The following SRPK2 variants were observed in gnomAD, a reference collection of about 807,000 sequenced individuals.
SRPK2 encodes SFRS protein kinase 2.
A neutral mutation model predicts 90.8 loss-of-function variants in SRPK2; 21 were observed. That is an observed-to-expected ratio of 0.23 (90% confidence interval 0.16 to 0.33). SRPK2 has a LOEUF of 0.33. SRPK2 is among the 10% of genes least tolerant of loss of function. The pLI is 1.00. For missense variants in SRPK2, 620 were observed against 869.0 expected, an observed-to-expected ratio of 0.71 and a Z score of 3.60; for synonymous variants, 288 against 311.1, an observed-to-expected ratio of 0.93 and a Z score of 0.78.
At chr7:105,357,295 T>A (rs1055803619) in intron 2 of SRPK2, among the ~76,000 whole-genome samples, 4 of 152,138 alleles carry the variant, frequency 2.6e-5, no homozygotes, top group Admixed American at 2.6e-4. Context: ...TGCCTCGGCC[T>A]CCCAAAGTGC....
At position 105,142,478 on chromosome 7, in the gene SRPK2, T is replaced by C; in HGVS notation, c.1073A>G (p.Asp358Gly). The C allele has an allele frequency of 1.2e-6, 2 of 1,608,608 alleles. No individual in the cohort carries two copies. The highest frequency in any genetic ancestry group is 2.2e-5 in the East Asian group (1 of 44,864). ...ETAKDNGEAE[D>G]QEEKEDAEKE... is the part of the protein sequence containing the mutation. ...CTCAGCATCTTCTTTCTCTTCCTGG[T>C]CCTCAGCTTCACCTTAAGAATTTGA... is the stretch of plus-strand genomic sequence containing the variant. The change falls in exon 11 of 16, where the codon GAC becomes GGC. Residue 358 changes from aspartate to glycine, a missense_variant. Physicochemically the swap from Asp to Gly is moderately conservative, Grantham distance 94. Transcript: ENST00000393651.
chr7:105,276,574 A>T (rs1157830650), intron 2 of SRPK2, among the ~76,000 whole-genome samples: 2 of 139,888 alleles, frequency 1.4e-5, no homozygotes, highest in Non-Finnish European at 3.1e-5. Context: ...TTCATCTCTT[A>T]AAAAAAAAAA....
Position 105,128,118 on chromosome 7 carries a change from A to T in SRPK2, c.1753-1056T>A, listed in dbSNP as rs1801468050. ...GGCCACCTCTCCTGGCACTGTCTTT[A>T]ACAAACCAAGAGTGAGTGCAGTCAG... On this transcript the variant is annotated intron_variant, in intron 13 of 15. Coordinates refer to ENST00000393651, the MANE Select transcript of SRPK2 (RefSeq NM_182692.3). Among the ~76,000 whole-genome samples, 4 of 152,264 alleles carry T rather than the reference A, an allele frequency of 2.6e-5. No individual in the cohort carries two copies. The South Asian group carries it at 8.3e-4, about 32-fold the overall frequency.
chr7:105,279,148 C>A (rs928057536), intron 2 of SRPK2, among the ~76,000 whole-genome samples: 3 of 152,038 alleles, frequency 2.0e-5, no homozygotes, highest in Non-Finnish European at 4.4e-5. Context: ...GAACACAGTG[C>A]CCACAGACTA....
intron 2 of SRPK2, among the ~76,000 whole-genome samples, chr7:105,244,327 T>C (rs1476749357): frequency 7.2e-5 from 11 of 152,166 alleles, no homozygotes; most frequent in Non-Finnish European, 1.5e-5. Flanking sequence ...CCCAGCACTT[T>C]GGGAGGCCGA....
chr7:105,298,695 C>T (rs1334809569), intron 2 of SRPK2: 1 of 983,402 alleles, frequency 1.0e-6, no homozygotes, highest in Non-Finnish European at 1.2e-6. Context: ...CAACCCCCTG[C>T]CTAAAATAGT....
intron 2 of SRPK2, among the ~76,000 whole-genome samples, chr7:105,327,201 C>T (rs1433162760): frequency 1.3e-5 from 2 of 150,128 alleles, no homozygotes; most frequent in Non-Finnish European, 3.0e-5. Flanking sequence ...CTACAAATGG[C>T]CTTTACATTT....
chr7:105,232,870 G>A (rs1214792866), intron 2 of SRPK2, among the ~76,000 whole-genome samples: 1 of 152,016 alleles, frequency 6.6e-6, no homozygotes, highest in Non-Finnish European at 1.5e-5. Flanking sequence ...AAAATTAGGT[G>A]GGTGTGGTGG....
chr7:105,396,445 G>A (rs1822323897), intron 1 of SRPK2, among the ~76,000 whole-genome samples: 1 of 151,718 alleles, frequency 6.6e-6, no homozygotes. Context: ...AGAACATCCT[G>A]GCTAACACGG....
At chr7:105,278,042 G>A (rs907757925) in intron 2 of SRPK2, among the ~76,000 whole-genome samples, 8 of 152,292 alleles carry the variant, frequency 5.3e-5, no homozygotes, top group African/African-American at 1.4e-4. Context: ...GGCCAGGCGC[G>A]GTGGGGCTCA....
chr7:105,335,968 A>AG (rs1360654406), intron 2 of SRPK2, among the ~76,000 whole-genome samples: 2 of 151,958 alleles, frequency 1.3e-5, no homozygotes, highest in Non-Finnish European at 2.9e-5. Context: ...AAAAAAAAAA[A>AG]CTTTGCTTAT....
At chr7:105,125,794 A>C (rs556674267) in intron 15 of SRPK2, 5 of 1,282,350 alleles carry the variant, frequency 3.9e-6, no homozygotes, top group Non-Finnish European at 4.1e-6. Context: ...TTTCTGGTGA[A>C]AAACTCCTTG....
At chr7:105,332,490 G>T (rs901487206) in intron 2 of SRPK2, among the ~76,000 whole-genome samples, 1 of 152,042 alleles carries the variant, frequency 6.6e-6, no homozygotes, top group Non-Finnish European at 1.5e-5. Flanking sequence ...TAGGCCAGGC[G>T]CAGTGTCTCA....
chr7:105,358,810 A>G (rs2132211837), intron 2 of SRPK2, among the ~76,000 whole-genome samples: 1 of 152,284 alleles, frequency 6.6e-6, no homozygotes, highest in African/African-American at 2.4e-5. Flanking sequence ...TAAAGAAAAG[A>G]GATGTATGTG....
chr7:105,238,206 T>C (rs1800362258), intron 2 of SRPK2, among the ~76,000 whole-genome samples: 1 of 152,240 alleles, frequency 6.6e-6, no homozygotes, highest in Non-Finnish European at 1.5e-5. Flanking sequence ...AAGGTGATAC[T>C]TGCCTCAAAG....
intron 2 of SRPK2, among the ~76,000 whole-genome samples, chr7:105,379,562 T>C (rs1430399688): frequency 6.6e-6 from 1 of 152,114 alleles, no homozygotes; most frequent in Non-Finnish European, 1.5e-5. Flanking sequence ...GGTGGTAGAG[T>C]ATAGACTCGG....
intron 15 of SRPK2, among the ~76,000 whole-genome samples, chr7:105,122,880 GTTTTT>G (rs3216265): frequency 2.1e-5 from 3 of 145,802 alleles, no homozygotes; most frequent in African/African-American, 7.5e-5. Flanking sequence ...CTAGAGACCA[GTTTTT>G]TTTTTTTAAG....
At chr7:105,174,711 T>G (rs569035754) in intron 3 of SRPK2, among the ~76,000 whole-genome samples, 1 of 152,218 alleles carries the variant, frequency 6.6e-6, no homozygotes, top group African/African-American at 2.4e-5. Flanking sequence ...TATGGAAGAT[T>G]TGAACACACT....
At chr7:105,161,509 C>T (rs1331551217) in intron 6 of SRPK2, among the ~76,000 whole-genome samples, 1 of 152,200 alleles carries the variant, frequency 6.6e-6, no homozygotes, top group Non-Finnish European at 1.5e-5. Flanking sequence ...ATGGCACTTT[C>T]TAGGTGTAGA....
Sources: allele counts gnomAD v4.1 joint callset (sites outside exome capture counted in the v4.1 genomes callset), GRCh38; gene constraint gnomAD v4.1.1; transcripts MANE v1.5; gene names NCBI Gene and HGNC (gene_info 2026-07-23, HGNC 2026-07-21).